The following SCOC variants were observed in gnomAD, a reference collection of about 807,000 sequenced individuals.
SCOC encodes the protein short coiled-coil protein, also known as short coiled coil protein.
A neutral mutation model predicts 9.9 loss-of-function variants in SCOC; 7 were observed. The ratio of observed to expected loss-of-function variants is 0.71; its 90% CI spans 0.40 to 1.33. The LOEUF (loss-of-function observed/expected upper bound fraction) is 1.33, where lower values mean the gene tolerates loss of function less well. Ranked by LOEUF, SCOC falls within the 40% of genes most tolerant of loss-of-function variation. SCOC has a pLI of 0.01. For synonymous variants in SCOC, 19 were observed against 28.2 expected (o/e 0.67, Z 1.03); for missense variants, 66 against 89.7 (o/e 0.74, Z 1.07).
At position 140,355,232 on chromosome 4, in the gene SCOC, T is replaced by G. The variant is rs1158404751; in HGVS notation, c.70+11524T>G. On this transcript the variant is annotated intron_variant, in intron 2 of 4. Coordinates refer to the SCOC transcript ENST00000338517. ...ATTTTTATATATATATATATATATA[T>G]ATATATATATATATATAATGTATAT... Among the ~76,000 whole-genome samples, 24 of 145,084 alleles carry G rather than the reference T, an allele frequency of 1.7e-4. No individual in the cohort carries two copies. The South Asian group carries it at 1.7e-3, about 10-fold the overall frequency.
At chr4:140,363,880 CCATA>C (rs1286104430) in intron 2 of SCOC, among the ~76,000 whole-genome samples, 2 of 152,094 alleles carry the variant, frequency 1.3e-5, no homozygotes, top group Non-Finnish European at 2.9e-5. Flanking sequence ...ACCATGGCAC[CCATA>C]CAAAGTGCCA....
At chr4:140,319,170 C>G (rs1732422125) in intron 1 of SCOC, among the ~76,000 whole-genome samples, 1 of 152,166 alleles carries the variant, frequency 6.6e-6, no homozygotes, top group African/African-American at 2.4e-5. Flanking sequence ...TGGCTCACTG[C>G]AACCTCTGCC....
intron 1 of SCOC, chr4:140,291,321 T>C: frequency 2.3e-6 from 1 of 429,442 alleles, no homozygotes; most frequent in Non-Finnish European, 4.7e-6. Flanking sequence ...TCTTTTACTT[T>C]AGAGATTATA....
At chr4:140,258,729 C>G (rs1310709054) in intron 1 of SCOC, among the ~76,000 whole-genome samples, 1 of 152,092 alleles carries the variant, frequency 6.6e-6, no homozygotes. Flanking sequence ...TTGAGTAAGC[C>G]CCAAGAATAG....
At position 140,383,355 on chromosome 4, in the gene SCOC, A is replaced by G. The variant is rs55906502; in HGVS notation, c.*2251A>G. The G allele has an allele frequency of 0.11, 17,415 of 152,250 alleles. 1,108 individuals are homozygous for G. Among genetic ancestry groups the G allele is most frequent in the East Asian group, 0.23 (1,165 of 5,174 alleles). The allele number at this position is 152,250 out of a possible 1,614,324, so 9.4% of individuals were successfully genotyped here. A position where few individuals can be genotyped will look rare whatever the true frequency, so the allele number is the denominator to read the frequency against. The stretch of plus-strand genomic sequence containing the variant: ...ACATGTGGCTTCTAATAGTCTGACA[A>G]TCTCTAAACTGATAGGCAAATTATT... On this transcript the variant is annotated 3_prime_UTR_variant, in exon 4 of 4. Transcript: ENST00000608372.
upstream of SCOC, among the ~76,000 whole-genome samples, chr4:140,369,956 A>T (rs1390095853): frequency 1.5e-5 from 2 of 130,676 alleles, no homozygotes; most frequent in Non-Finnish European, 3.1e-5. Context: ...TCAGCTCACT[A>T]CAACCTCCAC....
intron 2 of SCOC, chr4:140,361,072 G>C (rs1204314453): frequency 6.6e-6 from 1 of 152,094 alleles, no homozygotes; most frequent in East Asian, 1.9e-4. Context: ...GATGGGCCCT[G>C]AGTTTCGCTA....
chr4:140,378,373 A>G (rs1728432077), intron 1 of SCOC, among the ~76,000 whole-genome samples: 1 of 152,096 alleles, frequency 6.6e-6, no homozygotes, highest in Admixed American at 6.5e-5. Context: ...ATGCATATTT[A>G]TATATATTTC....
upstream of SCOC, chr4:140,373,560 T>C (rs1386729024): frequency 6.4e-6 from 10 of 1,551,360 alleles, no homozygotes; most frequent in African/African-American, 1.4e-5. Context: ...TATTCTCGAG[T>C]CAGGATTGGC....
At chr4:140,300,367 C>A (rs1273560482) in intron 1 of SCOC, among the ~76,000 whole-genome samples, 4 of 152,224 alleles carry the variant, frequency 2.6e-5, no homozygotes, top group African/African-American at 4.8e-5. Context: ...TGCATCTGCA[C>A]ACTCACGGGC....
At chr4:140,353,288 A>G (rs1361183941) in intron 2 of SCOC, among the ~76,000 whole-genome samples, 1 of 152,228 alleles carries the variant, frequency 6.6e-6, no homozygotes, top group African/African-American at 2.4e-5. Flanking sequence ...AAAGCTTTAT[A>G]AGTGACACTG....
rs1274384758 is a variant in SCOC, at chr4:140,383,627, C to T, written c.*2523C>T. On this transcript the variant is annotated 3_prime_UTR_variant, in exon 4 of 4. Coordinates refer to ENST00000608372, the MANE Select transcript of SCOC (RefSeq NM_001153484.2). ...CCCCTCTGGAAAGTTACTCCTTATCCATTTTCTTCCATGGCTACCTCAGAA... is the reference window on the plus strand; with the variant it reads ...CCCCTCTGGAAAGTTACTCCTTATCTATTTTCTTCCATGGCTACCTCAGAA... 2.6e-5 allele frequency: 4 copies of T among 152,110 alleles called. No homozygotes were observed. The highest frequency in any genetic ancestry group is 4.8e-5 in the African/African-American group (2 of 41,414). 9.4% of individuals were successfully genotyped at this position (152,110 alleles called of 1,614,324 possible). A position where few individuals can be genotyped will look rare whatever the true frequency, so the allele number is the denominator to read the frequency against.
intron 1 of SCOC, among the ~76,000 whole-genome samples, chr4:140,287,502 T>C (rs897317182): frequency 1.3e-5 from 2 of 150,182 alleles, no homozygotes; most frequent in African/African-American, 4.9e-5. Context: ...ACCATGCACA[T>C]ACATCTACCA....
At chr4:140,326,015 T>C (rs961682079) in intron 1 of SCOC, among the ~76,000 whole-genome samples, 3 of 152,120 alleles carry the variant, frequency 2.0e-5, no homozygotes, top group African/African-American at 7.2e-5. Flanking sequence ...GAATGCATTA[T>C]CGATTTACAC....
chr4:140,292,189 G>GTT (rs5862468), intron 1 of SCOC, among the ~76,000 whole-genome samples: 3,694 of 135,396 alleles, frequency 0.027, 130 homozygotes, highest in African/African-American at 0.085. Context: ...TACTCTTCTG[G>GTT]TTTTTTTTTT....
intron 1 of SCOC, among the ~76,000 whole-genome samples, chr4:140,312,024 G>C (rs1055455614): frequency 2.0e-5 from 3 of 152,176 alleles, no homozygotes; most frequent in African/African-American, 4.8e-5. Flanking sequence ...GCGAGAAATA[G>C]TTATATTGCT....
chr4:140,373,380 G>A (rs2126585708), upstream of SCOC: 1 of 1,451,722 alleles, frequency 6.9e-7, no homozygotes, highest in Non-Finnish European at 9.1e-7. Flanking sequence ...CTTCACCAGC[G>A]CCGCTTAGCT....
At chr4:140,328,636 G>C (rs1246314752) in intron 1 of SCOC, among the ~76,000 whole-genome samples, 1 of 152,130 alleles carries the variant, frequency 6.6e-6, no homozygotes. Context: ...TCTGGAAATG[G>C]TTTTGATCTG....
chr4:140,282,468 T>C (rs1006464669), intron 1 of SCOC, among the ~76,000 whole-genome samples: 2 of 152,160 alleles, frequency 1.3e-5, no homozygotes, highest in African/African-American at 2.4e-5. Flanking sequence ...GCCTCCCCTG[T>C]CCCACCCCCC....
Sources: gnomAD v4.1 joint callset for allele counts (sites outside exome capture counted in the v4.1 genomes callset) on GRCh38, gnomAD v4.1.1 for gene constraint, MANE v1.5 for transcripts, NCBI Gene and HGNC (gene_info 2026-07-23, HGNC 2026-07-21) for gene names.